Variants in NXPE3 observed in about 807,000 individuals in gnomAD.
The protein encoded by NXPE3 is neurexophilin and PC-esterase domain family member 3.
NXPE3 carries 26 observed loss-of-function variants against 46.1 expected under a neutral mutation model. The ratio of observed to expected loss-of-function variants is 0.56; its 90% CI spans 0.41 to 0.78. NXPE3 has a LOEUF of 0.78. Among genes scored for constraint, NXPE3 ranks in the 30% least tolerant of loss-of-function variants. The pLI, the probability that NXPE3 is intolerant of heterozygous loss-of-function variation, is 0.00. For synonymous variants in NXPE3, 272 were observed against 257.9 expected (o/e 1.05, Z -0.52); for missense variants, 620 against 686.0 (o/e 0.90, Z 1.07).
chr3:101,801,694 G>GT lies in NXPE3; in HGVS notation c.554dup (p.Ser186IlefsTer7). Reference sequence around the variant, plus strand: ...ATGGCCAGGCAAAGTTAAAGTATCCGTATCTCTGGTCCACCCCAGTGAAGG... The same window carrying GT: ...ATGGCCAGGCAAAGTTAAAGTATCCGTTATCTCTGGTCCACCCCAGTGAAGG... On this transcript the variant is annotated frameshift_variant, in exon 5 of 8. Transcript: ENST00000273347. LOFTEE classifies it high-confidence loss of function. 1 of 1,614,172 alleles carries GT rather than the reference G, an allele frequency of 6.2e-7. No homozygotes were observed. Among genetic ancestry groups the GT allele is most frequent in the Non-Finnish European group, 8.5e-7 (1 of 1,180,022 alleles).
intron 5 of NXPE3, among the ~76,000 whole-genome samples, chr3:101,804,451 A>G (rs531494911): frequency 9.8e-5 from 15 of 152,358 alleles, no homozygotes; most frequent in East Asian, 7.7e-4. Flanking sequence ...TGAGAAAACA[A>G]TGTCTGAGGT....
intron 6 of NXPE3, among the ~76,000 whole-genome samples, chr3:101,815,629 C>T (rs910068371): frequency 4.6e-5 from 7 of 152,138 alleles, no homozygotes; most frequent in Non-Finnish European, 7.4e-5. Context: ...TTTGGGAGGT[C>T]GAGGCGGGCG....
In NXPE3 at chr3:101,822,357, G is replaced by A. The variant is rs141962918; in HGVS notation, c.*403G>A. 15 of 169,808 alleles carry A rather than the reference G, an allele frequency of 8.8e-5. No individual in the cohort carries two copies. Among genetic ancestry groups the A allele is most frequent in the Non-Finnish European group, 1.6e-4 (12 of 77,368 alleles). The allele number at this position is 169,808 out of a possible 1,614,324, so 10.5% of individuals were successfully genotyped here. On this transcript the variant is annotated 3_prime_UTR_variant, in exon 8 of 8. Coordinates refer to ENST00000273347, the MANE Select transcript of NXPE3 (RefSeq NM_145037.4). ...GCTTATCTGGTAAAGGAAATTGAGT[G>A]CATCTGCATGCATAGCACAAGTAAT...
At chr3:101,798,181 A>G (rs1385469503) in intron 4 of NXPE3, among the ~76,000 whole-genome samples, 5 of 151,840 alleles carry the variant, frequency 3.3e-5, no homozygotes, top group South Asian at 2.1e-4. Flanking sequence ...GCCAGTGATG[A>G]TGAGCATTTT....
intron 5 of NXPE3, among the ~76,000 whole-genome samples, chr3:101,805,183 A>G (rs1472512940): frequency 6.6e-6 from 1 of 152,166 alleles, no homozygotes; most frequent in Admixed American, 6.5e-5. Flanking sequence ...CTAACATATA[A>G]CCATAATGAT....
chr3:101,808,854 T>TATATATATATATATATAC (rs770360739), intron 6 of NXPE3, among the ~76,000 whole-genome samples: 227 of 100,304 alleles, frequency 2.3e-3, no homozygotes, highest in Non-Finnish European at 3.3e-3. Context: ...TATATATATA[T>TATATATATATATATATAC]ATGAGACATT....
Position 101,828,053 on chromosome 3 carries a change from T to C in NXPE3, c.*6099T>C, listed in dbSNP as rs1339763039. 1 of 152,220 alleles carries C rather than the reference T, an allele frequency of 6.6e-6. No homozygotes were observed. Among genetic ancestry groups the C allele is most frequent in the African/African-American group, 2.4e-5 (1 of 41,450 alleles). 9.4% of individuals were successfully genotyped at this position (152,220 alleles called of 1,614,324 possible). A position where few individuals can be genotyped will look rare whatever the true frequency, so the allele number is the denominator to read the frequency against. ...AAAAAGGCTGCTTAGCTGCTGCTTATCATGTAACCTCAAAAGGAAACTGAT... is the reference window on the plus strand; with the variant it reads ...AAAAAGGCTGCTTAGCTGCTGCTTACCATGTAACCTCAAAAGGAAACTGAT... On this transcript the variant is annotated 3_prime_UTR_variant, in exon 8 of 8. Transcript: ENST00000273347.
chr3:101,788,707 C>A (rs1015418277), intron 4 of NXPE3, among the ~76,000 whole-genome samples: 1 of 152,156 alleles, frequency 6.6e-6, no homozygotes, highest in Non-Finnish European at 1.5e-5. Flanking sequence ...CCTCCTCCTC[C>A]CAGATTCAAG....
At chr3:101,811,112 G>A (rs1173546369) in intron 6 of NXPE3, among the ~76,000 whole-genome samples, 1 of 152,132 alleles carries the variant, frequency 6.6e-6, no homozygotes, top group African/African-American at 2.4e-5. Context: ...TGAGCCACGC[G>A]CCCGGCCTTG....
Position 101,785,531 on chromosome 3 carries a change from A to C in NXPE3, c.-66A>C, listed in dbSNP as rs1576724982. The C allele has an allele frequency of 7.1e-7, 1 of 1,402,966 alleles. No individual in the cohort carries two copies. The highest frequency in any genetic ancestry group is 1.7e-5 in the Admixed American group (1 of 59,650). The allele number at this position is 1,402,966 out of a possible 1,614,324, so 86.9% of individuals were successfully genotyped here. ...TCATCTGCAGCTCAGAAAAGCAAAG[A>C]CATGGAATTTTAAAGAGTGAAGGTA... On this transcript the variant is annotated 5_prime_UTR_variant, in exon 4 of 8. Transcript: ENST00000273347.
In NXPE3 at chr3:101,781,046, C is replaced by T. The variant is rs181182199; in HGVS notation, c.-497-1064C>T. Among the ~76,000 whole-genome samples, 3 of 152,302 alleles carry T rather than the reference C, an allele frequency of 2.0e-5. No individual in the cohort carries two copies. The East Asian group carries it at 5.8e-4, about 29-fold the overall frequency. ...CCTGTTTCAAGGTCTTACTCAGCAT[C>T]CTATGAAATACAGCTACTCTTTGCA... is the stretch of plus-strand genomic sequence containing the variant. On this transcript the variant is annotated intron_variant, in intron 1 of 7. Coordinates refer to ENST00000273347, the MANE Select transcript of NXPE3 (RefSeq NM_145037.4).
chr3:101,810,654 C>G (rs911120531), intron 6 of NXPE3, among the ~76,000 whole-genome samples: 4 of 152,148 alleles, frequency 2.6e-5, no homozygotes, highest in East Asian at 3.9e-4. Flanking sequence ...GAGGGAGATT[C>G]TTTGTTGTTG....
intron 6 of NXPE3, among the ~76,000 whole-genome samples, chr3:101,814,871 G>A (rs1041193788): frequency 6.6e-6 from 1 of 152,176 alleles, no homozygotes; most frequent in Non-Finnish European, 1.5e-5. Context: ...AAGATCATGG[G>A]CTTTGGGCTC....
rs34762683 is a variant in NXPE3, at chr3:101,821,723, G to A, written c.1449G>A (p.Thr483=). The change falls in exon 8 of 8, where the codon ACG becomes ACA. Residue 483 remains threonine (T), a synonymous_variant. Transcript: ENST00000273347. The part of the protein sequence containing the change: ...RSPKTVVVIR[T]ANAQELGPEV... ...CAAAGACCGTGGTGGTCATCCGGAC[G>A]GCCAACGCCCAAGAGCTGGGACCTG... is the stretch of plus-strand genomic sequence containing the variant. 5.6e-4 allele frequency: 904 copies of A among 1,614,152 alleles called. 8 individuals carry two copies. The African/African-American group carries it at 8.5e-3, about 15-fold the overall frequency.
rs754510979 is a variant in NXPE3 at position 101,801,820 on chromosome 3, G to T, written c.679G>T (p.Val227Leu). 3.1e-6 allele frequency: 5 copies of T among 1,614,062 alleles called. No homozygotes were observed. The highest frequency in any genetic ancestry group is 4.2e-6 in the Non-Finnish European group (5 of 1,180,040). The part of the protein sequence containing the change: ...GRISETTECN[V>L]CLPGNLPLCN... The stretch of plus-strand genomic sequence containing the variant: ...AATTTCTGAAACTACTGAGTGCAAC[G>T]TGTGTCTTCCTGGGAATCTGCCCCT... The change falls in exon 5 of 8, where the codon GTG becomes TTG. Residue 227 changes from valine (V) to leucine (L), a missense_variant. By Grantham distance (32) the Val-to-Leu change is conservative. Coordinates refer to ENST00000273347, the MANE Select transcript of NXPE3 (RefSeq NM_145037.4).
intron 1 of NXPE3, 107 bp from the exon 2 acceptor site, chr3:101,782,003 T>C (rs1244809808): frequency 6.6e-6 from 1 of 152,228 alleles, no homozygotes; most frequent in Non-Finnish European, 1.5e-5. Context: ...CACTATATCA[T>C]GTATAACTCT....
Position 101,785,534 on chromosome 3 carries a change from T to C in NXPE3, c.-63T>C, listed in dbSNP as rs1223503614. The C allele has an allele frequency of 3.5e-6, 5 of 1,431,320 alleles. No individual in the cohort carries two copies. In the East Asian group the frequency reaches 6.8e-5, roughly 20 times the overall value. The allele number at this position is 1,431,320 out of a possible 1,614,324, so 88.7% of individuals were successfully genotyped here. Reference sequence around the variant, plus strand: ...TCTGCAGCTCAGAAAAGCAAAGACATGGAATTTTAAAGAGTGAAGGTAGCA... The same window carrying C: ...TCTGCAGCTCAGAAAAGCAAAGACACGGAATTTTAAAGAGTGAAGGTAGCA... On this transcript the variant is annotated 5_prime_UTR_variant, in exon 4 of 8. The change abolishes an upstream ATG in the 5' untranslated region. Transcript: ENST00000273347.
chr3:101,827,718 C>T lies in NXPE3; in HGVS notation c.*5764C>T, dbSNP rs1942557133. 6.6e-6 allele frequency among the ~76,000 whole-genome samples: 1 copy of T among 152,240 alleles called. No individual in the cohort carries two copies. On this transcript the variant is annotated 3_prime_UTR_variant, in exon 8 of 8. Transcript: ENST00000273347. ...GCGGCTCCAGTCCAGGTCTTGGAGC[C>T]GGCCCTCGAGGGGAATGTCCGGGAC... is the stretch of plus-strand genomic sequence containing the variant.
At chr3:101,813,488 T>C (rs1941818519) in intron 6 of NXPE3, among the ~76,000 whole-genome samples, 1 of 152,220 alleles carries the variant, frequency 6.6e-6, no homozygotes, top group African/African-American at 2.4e-5. Context: ...TCATTATGGC[T>C]AATGGATTAC....
Sources: allele counts gnomAD v4.1 joint callset (sites outside exome capture counted in the v4.1 genomes callset), GRCh38; gene constraint gnomAD v4.1.1; transcripts MANE v1.5; gene names NCBI Gene and HGNC (gene_info 2026-07-23, HGNC 2026-07-21).